AXDND1: variants seen among roughly 807,000 people sequenced by gnomAD.
AXDND1 encodes axonemal dynein light chain domain-containing protein 1.
Under a neutral mutation model 137.5 loss-of-function variants are expected in AXDND1, and 110 were observed. The ratio of observed to expected loss-of-function variants is 0.80; its 90% CI spans 0.69 to 0.94. The LOEUF (loss-of-function observed/expected upper bound fraction) is 0.94. AXDND1 is among the 40% of genes least tolerant of loss of function. The pLI, the probability that AXDND1 is intolerant of heterozygous loss-of-function variation, is 0.00. For missense variants in AXDND1, 1,191 were observed against 1,169.8 expected, an observed-to-expected ratio of 1.02 and a Z score of -0.26; for synonymous variants, 414 against 399.7, an observed-to-expected ratio of 1.04 and a Z score of -0.43.
chr1:179,377,407 T>C (rs1440029081), intron 4 of AXDND1, among the ~76,000 whole-genome samples: 3 of 152,198 alleles, frequency 2.0e-5, no homozygotes, highest in Non-Finnish European at 4.4e-5. Context: ...TTGGAGTTTA[T>C]AGAAGGATGT....
At chr1:179,382,471 G>C (rs4625243) in intron 6 of AXDND1, among the ~76,000 whole-genome samples, 115,265 of 152,094 alleles carry the variant, frequency 0.76, 43,916 homozygotes, top group Admixed American at 0.81. Flanking sequence ...GCCATGTCCC[G>C]ATGATTATTT....
At chr1:179,530,295 C>T (rs1262953458) in intron 23 of AXDND1, among the ~76,000 whole-genome samples, 2 of 152,208 alleles carry the variant, frequency 1.3e-5, no homozygotes, top group Non-Finnish European at 2.9e-5. Flanking sequence ...TCCCAAAGTG[C>T]TGGGATTACA....
chr1:179,476,787 G>A (rs12139588), intron 17 of AXDND1, among the ~76,000 whole-genome samples: 1 of 151,776 alleles, frequency 6.6e-6, no homozygotes, highest in Non-Finnish European at 1.5e-5. Context: ...AGATTTTCTC[G>A]TTATTTTGAC....
rs531069254 is a variant in AXDND1 at position 179,427,395 on chromosome 1, A to C, written c.1231-2123A>C. Among the ~76,000 whole-genome samples the C allele has an allele frequency of 4.6e-5, 7 of 151,978 alleles. 1 individual carries two copies. Among genetic ancestry groups the C allele is most frequent in the African/African-American group, 1.7e-4 (7 of 41,456 alleles). ...ATATTAATTTTTTGACTGAATGGTA[A>C]TTTTTGAGGATCTACTAATTTTTAA... On this transcript the variant is annotated intron_variant, in intron 12 of 25. Coordinates refer to ENST00000367618, the MANE Select transcript of AXDND1 (RefSeq NM_144696.6).
At position 179,429,596 on chromosome 1, in the gene AXDND1, T is replaced by G; in HGVS notation, c.1309T>G (p.Phe437Val). The G allele has an allele frequency of 6.3e-7, 1 of 1,575,958 alleles. No individual in the cohort carries two copies. Among genetic ancestry groups the G allele is most frequent in the Non-Finnish European group, 8.6e-7 (1 of 1,164,996 alleles). Residue 437 changes from phenylalanine (F) to valine (V), a missense_variant, in exon 13 of 26, where the codon TTC (phenylalanine) becomes GTC (valine). Coordinates refer to ENST00000367618, the MANE Select transcript of AXDND1 (RefSeq NM_144696.6). The part of the protein sequence containing the change: ...EKGWNKYTKH[F>V]IILLSNKDTE... ...AGGCTGGAATAAATACACTAAGCAT[T>G]TCATCATACTGCTATCAAACAAGGT...
chr1:179,379,567 G>T (rs1411032850), intron 6 of AXDND1, 85 bp downstream of exon 6: 1 of 1,531,786 alleles, frequency 6.5e-7, no homozygotes, highest in African/African-American at 1.4e-5. Flanking sequence ...GCCAAGGCGG[G>T]TGGATCATCT....
chr1:179,382,487 C>T (rs1304608724), intron 6 of AXDND1, among the ~76,000 whole-genome samples: 1 of 152,176 alleles, frequency 6.6e-6, no homozygotes. Flanking sequence ...TATTTGAACA[C>T]TTATTTTCTG....
intron 21 of AXDND1, among the ~76,000 whole-genome samples, chr1:179,519,984 G>T (rs1669905785): frequency 6.8e-6 from 1 of 147,150 alleles, no homozygotes; most frequent in South Asian, 2.2e-4. Flanking sequence ...TGCCAGTATG[G>T]CCATTTTAAC....
intron 1 of AXDND1, 57 bp downstream of exon 1, chr1:179,366,057 A>C (rs1667353678): frequency 6.5e-6 from 1 of 154,544 alleles, no homozygotes; most frequent in East Asian, 1.9e-4. Flanking sequence ...TTAAACCAAG[A>C]AGCAGTGCGA....
intron 16 of AXDND1, among the ~76,000 whole-genome samples, chr1:179,465,163 T>C (rs1662947723): frequency 6.6e-6 from 1 of 152,226 alleles, no homozygotes; most frequent in Admixed American, 6.5e-5. Context: ...TCCGTTGCTG[T>C]TGAGGAGCTG....
intron 20 of AXDND1, chr1:179,506,990 C>A: frequency 1.3e-6 from 1 of 775,746 alleles, no homozygotes; most frequent in Non-Finnish European, 1.6e-6. Context: ...TTCTTAATAG[C>A]TCCATTTATA....
intron 21 of AXDND1, among the ~76,000 whole-genome samples, chr1:179,513,725 C>A (rs1323586013): frequency 1.3e-5 from 2 of 151,836 alleles, no homozygotes; most frequent in East Asian, 1.9e-4. Context: ...TTTTTAATTA[C>A]CATTTAAATC....
At chr1:179,539,135 CTT>C (rs1671850045) in intron 25 of AXDND1, among the ~76,000 whole-genome samples, 2 of 152,110 alleles carry the variant, frequency 1.3e-5, no homozygotes, top group Non-Finnish European at 2.9e-5. Flanking sequence ...GGTCTTGACT[CTT>C]TATCCAATTT....
At chr1:179,525,041 A>T (rs1446248137) in intron 21 of AXDND1, among the ~76,000 whole-genome samples, 1 of 152,162 alleles carries the variant, frequency 6.6e-6, no homozygotes, top group Middle Eastern at 3.2e-3. Context: ...TTCAAGAAAA[A>T]AACTCAAACA....
rs376189496 is a variant in AXDND1 at position 179,488,634 on chromosome 1, C to CTCTCT, written c.2092-2904_2092-2903insTCTCT. 2.9e-4 allele frequency among the ~76,000 whole-genome samples: 30 copies of CTCTCT among 105,250 alleles called. 2 individuals carry two copies. Among genetic ancestry groups the CTCTCT allele is most frequent in the Admixed American group, 6.9e-4 (7 of 10,208 alleles). 69.0% of individuals were successfully genotyped at this position (105,250 alleles called of 152,430 possible). On this transcript the variant is annotated intron_variant, in intron 18 of 25. Coordinates refer to ENST00000367618, the MANE Select transcript of AXDND1 (RefSeq NM_144696.6). ...TTTCTTTCTTTCTCTCTCTCTCTCTCCTTTCTTTCTTTCTTTCTTTCTTTC... is the reference window on the plus strand; with the variant it reads ...TTTCTTTCTTTCTCTCTCTCTCTCTCTCTCTCTTTCTTTCTTTCTTTCTTTCTTTC...
At chr1:179,375,564 A>G (rs1380676432) in intron 4 of AXDND1, among the ~76,000 whole-genome samples, 2 of 150,832 alleles carry the variant, frequency 1.3e-5, no homozygotes, top group Non-Finnish European at 2.9e-5. Context: ...GTACACATAT[A>G]TGTACATACA....
At chr1:179,456,394 CA>C in intron 16 of AXDND1, 3 of 783,974 alleles carry the variant, frequency 3.8e-6, no homozygotes, top group South Asian at 1.3e-5. Flanking sequence ...TTGTAATTGC[CA>C]AAATCATTGT....
chr1:179,411,323 C>G, intron 12 of AXDND1, 57 bp downstream of exon 12: 1 of 1,564,214 alleles, frequency 6.4e-7, no homozygotes, highest in Non-Finnish European at 8.6e-7. Context: ...ATTCATTCTA[C>G]AGTTTTAAAA....
At chr1:179,482,988 C>T (rs1052881736) in intron 17 of AXDND1, 140 bp from the exon 18 acceptor site, 2 of 503,360 alleles carry the variant, frequency 4.0e-6, no homozygotes, top group Non-Finnish European at 6.9e-6. Flanking sequence ...GGCTTTGATT[C>T]CCCTTTCCTC....
Sources: allele counts gnomAD v4.1 joint callset (sites outside exome capture counted in the v4.1 genomes callset), GRCh38; gene constraint gnomAD v4.1.1; transcripts MANE v1.5; gene names NCBI Gene and HGNC (gene_info 2026-07-23, HGNC 2026-07-21).